Variants in DIP2B observed in about 807,000 individuals in gnomAD.
DIP2B encodes DIP2 acetate--CoA ligase B (putative).
In DIP2B, 76 loss-of-function variants were observed where a neutral mutation model predicts 198.0. The ratio of observed to expected loss-of-function variants is 0.38; its 90% CI spans 0.32 to 0.46. The LOEUF is 0.46. DIP2B is among the 20% of genes least tolerant of loss of function. The pLI is 0.99. For synonymous variants in DIP2B, 701 were observed against 739.1 expected (o/e 0.95, Z 0.84); for missense variants, 1,559 against 1,978.4 (o/e 0.79, Z 4.02).
intron 37 of DIP2B, among the ~76,000 whole-genome samples, chr12:50,743,274 G>A (rs925262761): frequency 1.3e-5 from 2 of 152,064 alleles, no homozygotes; most frequent in African/African-American, 4.8e-5. Context: ...GTAGAGACGG[G>A]GTTTCACCAT....
chr12:50,662,214 A>G (rs1240522271), intron 4 of DIP2B, among the ~76,000 whole-genome samples: 1 of 152,182 alleles, frequency 6.6e-6, no homozygotes, highest in Non-Finnish European at 1.5e-5. Context: ...ACAGAGTAAT[A>G]AAAAGGTTCT....
Position 50,671,272 on chromosome 12 carries a change from G to A in DIP2B, c.514G>A (p.Glu172Lys). The change falls in exon 5 of 38, where the codon GAG becomes AAG. Residue 172 changes from glutamate (E) to lysine (K), a missense_variant. Physicochemically the swap from Glu to Lys is moderately conservative, Grantham distance 56 (BLOSUM62 1). Coordinates refer to ENST00000301180, the MANE Select transcript of DIP2B (RefSeq NM_173602.3). The stretch of plus-strand genomic sequence containing the variant: ...CTTGCAACAGAGCTTACAGAATGCT[G>A]AGTCCTGGATCAACCGTTCAATTCA... ...AALQQSLQNA[E>K]SWINRSIQGS... 6.2e-7 allele frequency: 1 copy of A among 1,614,174 alleles called. No individual in the cohort carries two copies. Among genetic ancestry groups the A allele is most frequent in the Non-Finnish European group, 8.5e-7 (1 of 1,180,034 alleles).
Position 50,525,230 on chromosome 12 carries a change from C to T in DIP2B, c.100+19990C>T, listed in dbSNP as rs574736894. Among the ~76,000 whole-genome samples, 10 of 151,894 alleles carry T rather than the reference C, an allele frequency of 6.6e-5. No homozygotes were observed. The South Asian group carries it at 1.9e-3, about 28-fold the overall frequency. On this transcript the variant is annotated intron_variant, in intron 1 of 37. Transcript: ENST00000301180. ...AAAATTAGCTGGGTGTGGTGTTGGG[C>T]GCCTGTAGTCCCAGCTACTTGGAAG...
intron 3 of DIP2B, among the ~76,000 whole-genome samples, chr12:50,649,300 G>A (rs951000883): frequency 2.6e-5 from 4 of 152,118 alleles, no homozygotes; most frequent in Non-Finnish European, 5.9e-5. Flanking sequence ...AGAACACTGA[G>A]AAAGAAAAGC....
chr12:50,728,800 G>T, intron 30 of DIP2B, 122 bp downstream of exon 30: 1 of 1,304,976 alleles, frequency 7.7e-7, no homozygotes. Context: ...AGTGTTTCCA[G>T]AATTTATGGA....
intron 1 of DIP2B, among the ~76,000 whole-genome samples, chr12:50,536,104 G>T (rs1362609425): frequency 6.6e-6 from 1 of 151,706 alleles, no homozygotes. Flanking sequence ...ATCATTGTTG[G>T]ACATTTGGGT....
At chr12:50,556,638 G>A (rs2139392618) in intron 1 of DIP2B, among the ~76,000 whole-genome samples, 1 of 151,686 alleles carries the variant, frequency 6.6e-6, no homozygotes, top group South Asian at 2.1e-4. Flanking sequence ...TGCCTCCCGG[G>A]TTCAAGCGAT....
chr12:50,604,592 G>A (rs116614260), intron 1 of DIP2B, among the ~76,000 whole-genome samples: 4,348 of 152,206 alleles, frequency 0.029, 209 homozygotes, highest in African/African-American at 0.099. Flanking sequence ...TGAGTGGCTG[G>A]GACTGCAGGC....
intron 19 of DIP2B, 111 bp downstream of exon 19, chr12:50,699,313 C>T: frequency 1.4e-6 from 2 of 1,464,960 alleles, no homozygotes; most frequent in Non-Finnish European, 1.8e-6. Flanking sequence ...AGAGTGTGTA[C>T]TCTGGAGCTA....
chr12:50,680,821 A>G lies in DIP2B; in HGVS notation c.1206+58A>G, dbSNP rs942402012. ...GTGTTTATTGTTTTCTAATATGCTA[A>G]TATTCTAATATTCTGGAGTTTTCAT... On this transcript the variant is annotated intron_variant, in intron 9 of 37. Coordinates refer to ENST00000301180, the MANE Select transcript of DIP2B (RefSeq NM_173602.3). 15 of 1,406,600 alleles carry G rather than the reference A, an allele frequency of 1.1e-5. No homozygotes were observed. The Admixed American group carries it at 2.6e-4, about 24-fold the overall frequency. 87.1% of individuals were successfully genotyped at this position (1,406,600 alleles called of 1,614,324 possible).
chr12:50,682,776 T>C (rs1427485368), intron 9 of DIP2B, among the ~76,000 whole-genome samples: 3 of 152,162 alleles, frequency 2.0e-5, no homozygotes, highest in Non-Finnish European at 4.4e-5. Context: ...ATCCATTACA[T>C]TTATTTTATT....
In DIP2B at chr12:50,675,318, T is replaced by C. The variant is rs1938927747; in HGVS notation, c.797-11T>C. The C allele has an allele frequency of 6.2e-7, 1 of 1,608,312 alleles. No homozygotes were observed. Among genetic ancestry groups the C allele is most frequent in the African/African-American group, 1.3e-5 (1 of 74,898 alleles). On this transcript the variant is annotated splice_polypyrimidine_tract_variant and intron_variant, in intron 6 of 37. Coordinates refer to ENST00000301180, the MANE Select transcript of DIP2B (RefSeq NM_173602.3). ...CAATGAATTTTAACTTAACCATTTT[T>C]TCCCTTATAGGTGTTCCTGTCAGTA... is the stretch of plus-strand genomic sequence containing the variant.
At chr12:50,628,863 C>T (rs1937987659) in intron 2 of DIP2B, among the ~76,000 whole-genome samples, 1 of 152,048 alleles carries the variant, frequency 6.6e-6, no homozygotes, top group Admixed American at 6.6e-5. Context: ...AATCTCTCTT[C>T]TTATCTTCTT....
intron 1 of DIP2B, among the ~76,000 whole-genome samples, chr12:50,523,394 C>T (rs561128237): frequency 3.3e-5 from 5 of 151,960 alleles, no homozygotes; most frequent in Admixed American, 6.6e-5. Context: ...TTTTCCTCCA[C>T]CTATTTTCAC....
intron 2 of DIP2B, among the ~76,000 whole-genome samples, chr12:50,635,196 T>C (rs1463019719): frequency 6.6e-6 from 1 of 152,234 alleles, no homozygotes; most frequent in Non-Finnish European, 1.5e-5. Flanking sequence ...TTTGAGATTA[T>C]TTGTGACGTT....
At chr12:50,719,910 AATAT>A (rs1939803431) in intron 25 of DIP2B, among the ~76,000 whole-genome samples, 1 of 147,652 alleles carries the variant, frequency 6.8e-6, no homozygotes, top group African/African-American at 2.5e-5. Context: ...ATAATATATA[AATAT>A]ATATAAAGAA....
intron 1 of DIP2B, among the ~76,000 whole-genome samples, chr12:50,542,286 A>G (rs116953487): frequency 1.3e-5 from 2 of 152,022 alleles, no homozygotes; most frequent in East Asian, 1.9e-4. Flanking sequence ...AAAAAAGAAA[A>G]TCTCAAAATC....
chr12:50,672,092 C>T (rs1938865697), intron 5 of DIP2B, among the ~76,000 whole-genome samples: 1 of 152,170 alleles, frequency 6.6e-6, no homozygotes, highest in South Asian at 2.1e-4. Flanking sequence ...TGTGTGTTAA[C>T]ATTATGTGTC....
chr12:50,574,278 CAATA>C (rs1958639275), intron 1 of DIP2B, among the ~76,000 whole-genome samples: 1 of 151,998 alleles, frequency 6.6e-6, no homozygotes, highest in Admixed American at 6.6e-5. Context: ...TTAGAAAGGC[CAATA>C]AATAGCACCT....
Sources: allele counts gnomAD v4.1 joint callset (sites outside exome capture counted in the v4.1 genomes callset), GRCh38; gene constraint gnomAD v4.1.1; transcripts MANE v1.5; gene names NCBI Gene and HGNC (gene_info 2026-07-23, HGNC 2026-07-21).